Variants in TELO2 observed in about 807,000 individuals in gnomAD.
The protein encoded by TELO2 is telomere length regulation protein TEL2 homolog.
In TELO2, 71 loss-of-function variants were observed where a neutral mutation model predicts 91.0. The observed-to-expected ratio is 0.78, with a 90% confidence interval of 0.64 to 0.95. TELO2 has a LOEUF of 0.95. Ranked by LOEUF, TELO2 falls within the 40% of genes least tolerant of loss-of-function variation. TELO2 has a pLI of 0.00. For missense variants in TELO2, 1,183 were observed against 1,141.3 expected (o/e 1.04, Z -0.53); for synonymous variants, 584 against 518.9 (o/e 1.13, Z -1.71).
rs773209028 is a variant in TELO2 at position 1,507,616 on chromosome 16, G to T, written c.2307G>T (p.Gly769=). ...TTGCCGGCAGCTACGTGCGCCAGGG[G>T]CTGTTGTCGGCCGTCTCCTCCGTCC... ...RFHIDAYVRQ[G]LLSAVSSVLL... is the part of the protein sequence containing the mutation. Residue 769 remains glycine, a synonymous_variant, in exon 20 of 21, where the codon GGG becomes GGT. Coordinates refer to ENST00000262319, the MANE Select transcript of TELO2 (RefSeq NM_016111.4). The T allele has an allele frequency of 4.8e-5, 77 of 1,593,598 alleles. No homozygotes were observed. The highest frequency in any genetic ancestry group is 6.2e-5 in the Non-Finnish European group (73 of 1,177,346).
At chr16:1,498,898 T>C (rs1335310143) in intron 5 of TELO2, among the ~76,000 whole-genome samples, 1 of 152,124 alleles carries the variant, frequency 6.6e-6, no homozygotes, top group East Asian at 1.9e-4. Flanking sequence ...CTGCATGTTT[T>C]TGTAAATAAA....
rs1173695834 is a variant in TELO2 at position 1,497,443 on chromosome 16, G to T, written c.765G>T (p.Leu255=). The T allele has an allele frequency of 6.4e-7, 1 of 1,568,014 alleles. No individual in the cohort carries two copies. Among genetic ancestry groups the T allele is most frequent in the Non-Finnish European group, 8.6e-7 (1 of 1,157,738 alleles). ...TGCACCAGCGCGTCTGCTGGCGCCT[G>T]GTGGAGCAAGTGCCGGACCGGGCCA... is the stretch of plus-strand genomic sequence containing the variant. ...SYLHQRVCWR[L]VEQVPDRAME... is the part of the protein sequence containing the mutation. Residue 255 remains leucine, a synonymous_variant, in exon 5 of 21, where the codon CTG becomes CTT. Transcript: ENST00000262319. This position sits in a 1 kb window ranked among gnomAD's most constrained non-coding sequence, Gnocchi z 4.0.
At position 1,494,176 on chromosome 16, in the gene TELO2, AC is replaced by A. The variant is rs2039397312; in HGVS notation, c.-36-68del. Reference sequence around the variant, plus strand: ...AGGGGTGTGGGGTCTCGGGGCGCTCACCGAGGGGCTTCCTGAGCTTGTGTGG... The same window carrying A: ...AGGGGTGTGGGGTCTCGGGGCGCTCACGAGGGGCTTCCTGAGCTTGTGTGG... On this transcript the variant is annotated intron_variant, in intron 1 of 20. Transcript: ENST00000262319. The surrounding 1 kb of genome is among the most constrained non-coding windows in gnomAD (Gnocchi z 5.6). The A allele has an allele frequency of 6.2e-6, 7 of 1,133,846 alleles. No individual in the cohort carries two copies. The highest frequency in any genetic ancestry group is 8.8e-6 in the Non-Finnish European group (7 of 798,394). 70.2% of individuals were successfully genotyped at this position (1,133,846 alleles called of 1,614,324 possible).
intron 19 of TELO2, 26 bp downstream of exon 19, chr16:1,507,396 G>T (rs1342755839): frequency 6.2e-7 from 1 of 1,607,878 alleles, no homozygotes; most frequent in South Asian, 1.1e-5. Context: ...GGCTGGGCCA[G>T]GCCAGGGGTG....
chr16:1,502,387 C>G lies in TELO2; in HGVS notation c.1636C>G (p.Pro546Ala). 6.2e-7 allele frequency: 1 copy of G among 1,601,296 alleles called. No individual in the cohort carries two copies. Among genetic ancestry groups the G allele is most frequent in the Non-Finnish European group, 8.5e-7 (1 of 1,175,832 alleles). ...RALEGLVYRS[P>A]TATREVSVEL... ...CCTTGAGGGCCTGGTCTACAGGAGC[C>G]CCACAGCCACTCGGGAGGTGAGTGG... is the stretch of plus-strand genomic sequence containing the variant. The change falls in exon 13 of 21, where the codon CCC becomes GCC. Residue 546 changes from proline to alanine, a missense_variant. Transcript: ENST00000262319.
Position 1,502,986 on chromosome 16 carries a change from G to A in TELO2, c.1826G>A (p.Arg609His), listed in dbSNP as rs754162070. Residue 609 changes from arginine to histidine, a missense_variant, in exon 15 of 21, where the codon CGC (arginine) becomes CAC (histidine). Transcript: ENST00000262319. ...GCCCTCAACTACAGCCTCCGGCAGC[G>A]CATGGACATCCTGGATGTAAGTGCC... Reference protein sequence around the residue: ...FYALNYSLRQRMDILDVLTLA... With the variant: ...FYALNYSLRQHMDILDVLTLA... 8 of 1,610,742 alleles carry A rather than the reference G, an allele frequency of 5.0e-6. No homozygotes were observed. Among genetic ancestry groups the A allele is most frequent in the African/African-American group, 2.7e-5 (2 of 74,934 alleles).
intron 20 of TELO2, among the ~76,000 whole-genome samples, chr16:1,508,998 A>T (rs1567309126): frequency 6.8e-6 from 1 of 146,234 alleles, no homozygotes. Flanking sequence ...CCTCCTCAGC[A>T]TGCTGTCGCC....
intron 15 of TELO2, among the ~76,000 whole-genome samples, chr16:1,503,676 G>T (rs186418610): frequency 6.6e-6 from 1 of 152,200 alleles, no homozygotes; most frequent in East Asian, 1.9e-4. Context: ...GCTAGTTCAC[G>T]GAGAGCGGAC....
intron 19 of TELO2, 44 bp from the exon 20 acceptor site, chr16:1,507,557 G>T (rs2039941932): frequency 6.5e-7 from 1 of 1,536,942 alleles, no homozygotes; most frequent in Non-Finnish European, 8.7e-7. Flanking sequence ...GGAGGTCTGG[G>T]GTGTGGTCCC....
intron 15 of TELO2, among the ~76,000 whole-genome samples, chr16:1,503,336 C>T (rs368357748): frequency 7.9e-5 from 12 of 152,314 alleles, no homozygotes; most frequent in South Asian, 6.2e-4. Context: ...AAGGCTGAGG[C>T]GGGAGGATCG....
intron 5 of TELO2, among the ~76,000 whole-genome samples, chr16:1,498,047 T>C (rs1417351011): frequency 6.6e-6 from 1 of 151,614 alleles, no homozygotes; most frequent in Non-Finnish European, 1.5e-5. Context: ...GATGGAGTCT[T>C]GCTCTGTCAC....
chr16:1,495,702 G>T, intron 3 of TELO2, 79 bp downstream of exon 3: 1 of 1,499,964 alleles, frequency 6.7e-7, no homozygotes, highest in Non-Finnish European at 8.9e-7. Context: ...GGTGCCTCAC[G>T]GCCTCTGGAG....
intron 3 of TELO2, 124 bp downstream of exon 3, chr16:1,495,747 T>G (rs2142460043): frequency 1.5e-6 from 2 of 1,353,142 alleles, no homozygotes; most frequent in South Asian, 2.9e-5. Flanking sequence ...GTCAGGCAGG[T>G]GGGGATGTCC....
Position 1,502,472 on chromosome 16 carries a change from G to T in TELO2, c.1653+68G>T, listed in dbSNP as rs2039726725. The T allele has an allele frequency of 8.5e-6, 13 of 1,534,146 alleles. No homozygotes were observed. The South Asian group carries it at 1.5e-4, about 18-fold the overall frequency. Reference sequence around the variant, plus strand: ...GCTCCCTCAATGCCATCTGTGTCCTGGCCACTGAGGGTGACATATGGCTCC... The same window carrying T: ...GCTCCCTCAATGCCATCTGTGTCCTTGCCACTGAGGGTGACATATGGCTCC... On this transcript the variant is annotated intron_variant, in intron 13 of 20. Coordinates refer to ENST00000262319, the MANE Select transcript of TELO2 (RefSeq NM_016111.4).
intron 5 of TELO2, among the ~76,000 whole-genome samples, chr16:1,498,598 A>G (rs1299485582): frequency 6.6e-6 from 1 of 151,992 alleles, no homozygotes; most frequent in East Asian, 1.9e-4. Flanking sequence ...TATCATACCC[A>G]GCTAATTTTT....
At position 1,499,527 on chromosome 16, in the gene TELO2, G is replaced by T. The variant is rs553914771; in HGVS notation, c.933+194G>T. On this transcript the variant is annotated intron_variant, in intron 6 of 20. Coordinates refer to ENST00000262319, the MANE Select transcript of TELO2 (RefSeq NM_016111.4). ...GCCCTGCTGTGACGGCTCTGAGTGAGGGCTTCTCATGTGTCAATCTTCTAG... is the reference window on the plus strand; with the variant it reads ...GCCCTGCTGTGACGGCTCTGAGTGATGGCTTCTCATGTGTCAATCTTCTAG... Among the ~76,000 whole-genome samples the T allele has an allele frequency of 1.3e-4, 19 of 151,796 alleles. No individual in the cohort carries two copies. In the South Asian group the frequency reaches 2.3e-3, roughly 18 times the overall value.
rs369172462 is a variant in TELO2 at position 1,502,868 on chromosome 16, C to T, written c.1771-63C>T. On this transcript the variant is annotated intron_variant, in intron 14 of 20. Coordinates refer to ENST00000262319, the MANE Select transcript of TELO2 (RefSeq NM_016111.4). ...GTGCTGGAGCTGGCTGTGAGGTGCCCGGAGGTCGCCCCGGGTGGCCCTCAG... is the reference window on the plus strand; with the variant it reads ...GTGCTGGAGCTGGCTGTGAGGTGCCTGGAGGTCGCCCCGGGTGGCCCTCAG... 55 of 1,604,490 alleles carry T rather than the reference C, an allele frequency of 3.4e-5. No homozygotes were observed. The Middle Eastern group carries it at 6.6e-4, about 19-fold the overall frequency.
At position 1,505,878 on chromosome 16, in the gene TELO2, C is replaced by T. The variant is rs1407715854; in HGVS notation, c.2034+277C>T. On this transcript the variant is annotated intron_variant, in intron 16 of 20. Coordinates refer to ENST00000262319, the MANE Select transcript of TELO2 (RefSeq NM_016111.4). This position sits in a 1 kb window ranked among gnomAD's most constrained non-coding sequence, Gnocchi z 4.3. Reference sequence around the variant, plus strand: ...CCCATCTAGGCCAGGGGTGGTGTTGCTCCACCTGAGGATGTTTAGGGGCGT... The same window carrying T: ...CCCATCTAGGCCAGGGGTGGTGTTGTTCCACCTGAGGATGTTTAGGGGCGT... 6.6e-6 allele frequency among the ~76,000 whole-genome samples: 1 copy of T among 152,186 alleles called. No homozygotes were observed. Among genetic ancestry groups the T allele is most frequent in the Non-Finnish European group, 1.5e-5 (1 of 68,028 alleles).
At chr16:1,498,727 G>C (rs956509289) in intron 5 of TELO2, among the ~76,000 whole-genome samples, 10 of 97,270 alleles carry the variant, frequency 1.0e-4, no homozygotes, top group Admixed American at 8.4e-4. Context: ...TCTTTGTGTG[G>C]AATTTTAAGT....
Sources: allele counts gnomAD v4.1 joint callset (sites outside exome capture counted in the v4.1 genomes callset), GRCh38; gene constraint gnomAD v4.1.1; non-coding constraint Gnocchi (gnomAD v3.1); transcripts MANE v1.5; gene names NCBI Gene and HGNC (gene_info 2026-07-23, HGNC 2026-07-21).